CPB2: variants seen among roughly 807,000 people sequenced by gnomAD.
CPB2 encodes the protein carboxypeptidase B-like protein.
Under a neutral mutation model 57.0 loss-of-function variants are expected in CPB2, and 54 were observed. The observed-to-expected ratio is 0.95, with a 90% CI of 0.76 to 1.19. CPB2 has a LOEUF of 1.19. Among genes scored for constraint, CPB2 ranks in the 50% most tolerant of loss-of-function variants. The probability of loss-of-function intolerance (pLI) is 0.00; values close to 1 mark genes in which losing one functional copy is unlikely to be tolerated. For synonymous variants in CPB2, 189 were observed against 178.1 expected (o/e 1.06, Z -0.49); for missense variants, 426 against 512.0 (o/e 0.83, Z 1.62).
chr13:46,102,745 T>G (rs2045452186), intron 1 of CPB2, among the ~76,000 whole-genome samples: 2 of 152,026 alleles, frequency 1.3e-5, no homozygotes, highest in South Asian at 4.1e-4. Flanking sequence ...GTAAAAAAAT[T>G]TATTTTTACT....
chr13:46,062,131 C>A (rs2044784270), intron 8 of CPB2, among the ~76,000 whole-genome samples: 1 of 150,426 alleles, frequency 6.6e-6, no homozygotes, highest in African/African-American at 2.4e-5. Flanking sequence ...CAAGAGGGGA[C>A]TGAGACATTT....
At chr13:46,070,801 A>G (rs1448367510) in intron 6 of CPB2, among the ~76,000 whole-genome samples, 1 of 152,188 alleles carries the variant, frequency 6.6e-6, no homozygotes, top group Non-Finnish European at 1.5e-5. Context: ...GCCAATGACA[A>G]TAAAGTATTT....
At chr13:46,070,998 A>G (rs1424754970) in intron 6 of CPB2, among the ~76,000 whole-genome samples, 1 of 152,200 alleles carries the variant, frequency 6.6e-6, no homozygotes, top group Non-Finnish European at 1.5e-5. Flanking sequence ...TGCCTTCAGA[A>G]AGCTAATAGA....
chr13:46,082,949 C>T (rs1444093877), intron 3 of CPB2, among the ~76,000 whole-genome samples: 1 of 151,388 alleles, frequency 6.6e-6, no homozygotes, highest in Non-Finnish European at 1.5e-5. Context: ...GCAGAAAAGC[C>T]TTTTCTTTCT....
At chr13:46,065,250 G>A (rs1015870643) in intron 7 of CPB2, among the ~76,000 whole-genome samples, 5 of 152,154 alleles carry the variant, frequency 3.3e-5, no homozygotes, top group African/African-American at 1.2e-4. Context: ...TTCTTCGATT[G>A]TGCTGATTTG....
At chr13:46,092,787 A>G (rs2139414291) in intron 1 of CPB2, among the ~76,000 whole-genome samples, 1 of 152,368 alleles carries the variant, frequency 6.6e-6, no homozygotes. Flanking sequence ...ATCCTTCCCT[A>G]GAGAAGGTCT....
intron 2 of CPB2, among the ~76,000 whole-genome samples, chr13:46,085,092 C>T (rs1278110544): frequency 1.3e-5 from 2 of 152,024 alleles, no homozygotes; most frequent in African/African-American, 2.4e-5. Flanking sequence ...CCTCGTGATC[C>T]GCCCACCTCG....
chr13:46,103,439 A>T (rs1252450522), intron 1 of CPB2, among the ~76,000 whole-genome samples: 1 of 152,234 alleles, frequency 6.6e-6, no homozygotes, highest in African/African-American at 2.4e-5. Context: ...TCCAGATTTT[A>T]TGGAGGCAAT....
At chr13:46,090,582 T>A (rs995645619) in intron 1 of CPB2, among the ~76,000 whole-genome samples, 3 of 151,896 alleles carry the variant, frequency 2.0e-5, no homozygotes, top group African/African-American at 7.3e-5. Context: ...CAGGCTGGTC[T>A]CGAACTCCTG....
chr13:46,060,833 T>C (rs1225583411), intron 8 of CPB2, among the ~76,000 whole-genome samples: 2 of 152,166 alleles, frequency 1.3e-5, no homozygotes, highest in Non-Finnish European at 2.9e-5. Flanking sequence ...TAAGCAGTCA[T>C]GTTAATTTGG....
At chr13:46,093,486 G>A (rs1333126107) in intron 1 of CPB2, among the ~76,000 whole-genome samples, 2 of 152,122 alleles carry the variant, frequency 1.3e-5, no homozygotes, top group Non-Finnish European at 2.9e-5. Flanking sequence ...CAGAATTGTC[G>A]AATGTTGGTA....
intron 9 of CPB2, among the ~76,000 whole-genome samples, chr13:46,057,522 G>A (rs956038182): frequency 2.0e-5 from 3 of 152,172 alleles, no homozygotes; most frequent in Non-Finnish European, 2.9e-5. Flanking sequence ...ATGAGGATTT[G>A]TCGAAGCCTA....
At chr13:46,086,312 A>G (rs1181240216) in intron 2 of CPB2, among the ~76,000 whole-genome samples, 1 of 152,124 alleles carries the variant, frequency 6.6e-6, no homozygotes, top group Non-Finnish European at 1.5e-5. Context: ...AGCGCCCGGG[A>G]ACAATGACGT....
At chr13:46,078,137 C>A (rs2045052693) in intron 5 of CPB2, among the ~76,000 whole-genome samples, 1 of 151,930 alleles carries the variant, frequency 6.6e-6, no homozygotes, top group African/African-American at 2.4e-5. Context: ...ACATTGTATG[C>A]ATGTATCAAA....
intron 8 of CPB2, among the ~76,000 whole-genome samples, chr13:46,063,689 G>C (rs2044810015): frequency 6.6e-6 from 1 of 152,086 alleles, no homozygotes; most frequent in Non-Finnish European, 1.5e-5. Context: ...TATACTCAGT[G>C]ATGAGATTGC....
intron 1 of CPB2, among the ~76,000 whole-genome samples, chr13:46,092,831 G>T (rs545959116): frequency 6.6e-6 from 1 of 152,168 alleles, no homozygotes; most frequent in African/African-American, 2.4e-5. Context: ...ACTTTATCTT[G>T]TAGGCAATTA....
chr13:46,067,821 CATG>C (rs1566402138), intron 6 of CPB2, among the ~76,000 whole-genome samples: 1 of 152,204 alleles, frequency 6.6e-6, no homozygotes, highest in Non-Finnish European at 1.5e-5. Flanking sequence ...GATGTGATTA[CATG>C]ATATTGGCTA....
chr13:46,086,587 G>A (rs966251119), intron 2 of CPB2, among the ~76,000 whole-genome samples: 13 of 152,308 alleles, frequency 8.5e-5, no homozygotes, highest in African/African-American at 3.1e-4. Context: ...GTTCATGGGT[G>A]GCCATAGGCG....
chr13:46,058,304 CT>C lies in CPB2; in HGVS notation c.873del (p.Val292TrpfsTer5), dbSNP rs1566396104. ...LYPESEPEVK[A>X]VASFLRRNIN... The stretch of plus-strand genomic sequence containing the variant: ...ATATTTCTTCTCAAGAAACTAGCCA[CT>C]GCCTTCACTTCTGGTTCTGACTCAG... On this transcript the variant is annotated frameshift_variant, in exon 9 of 11. Transcript: ENST00000181383. LOFTEE classifies it high-confidence loss of function. 6.2e-7 allele frequency: 1 copy of C among 1,614,084 alleles called. No homozygotes were observed. The highest frequency in any genetic ancestry group is 8.5e-7 in the Non-Finnish European group (1 of 1,179,970).
Sources: gnomAD v4.1 joint callset for allele counts (sites outside exome capture counted in the v4.1 genomes callset) on GRCh38, gnomAD v4.1.1 for gene constraint, MANE v1.5 for transcripts, NCBI Gene and HGNC (gene_info 2026-07-23, HGNC 2026-07-21) for gene names.